EEA1: variants seen among roughly 807,000 people sequenced by gnomAD.
EEA1 encodes the protein early endosome antigen 1, 162kD.
A neutral mutation model predicts 209.2 loss-of-function variants in EEA1; 111 were observed. That is an observed-to-expected ratio of 0.53 (90% confidence interval 0.45 to 0.62). EEA1 has a LOEUF of 0.62. Ranked by LOEUF, EEA1 falls within the 20% of genes least tolerant of loss-of-function variation. The probability of loss-of-function intolerance (pLI) is 0.00; values close to 1 mark genes in which losing one functional copy is unlikely to be tolerated. For synonymous variants in EEA1, 536 were observed against 540.6 expected (o/e 0.99, Z 0.12); for missense variants, 1,343 against 1,530.8 (o/e 0.88, Z 2.05).
intron 1 of EEA1, among the ~76,000 whole-genome samples, chr12:92,897,544 C>G (rs550763489): frequency 6.6e-6 from 1 of 152,284 alleles, no homozygotes; most frequent in East Asian, 1.9e-4. Context: ...CTGCTCAGGC[C>G]CACTCCCACA....
intron 2 of EEA1, chr12:92,879,398 G>A (rs1879045157): frequency 2.3e-6 from 1 of 438,344 alleles, no homozygotes; most frequent in Non-Finnish European, 4.5e-6. Context: ...GCAAGACCAA[G>A]TGGAGCTTAT....
chr12:92,908,969 G>A (rs759387894), intron 1 of EEA1, among the ~76,000 whole-genome samples: 4 of 152,002 alleles, frequency 2.6e-5, no homozygotes, highest in South Asian at 2.1e-4. Flanking sequence ...GATTACAGGC[G>A]TGCACCACCA....
intron 1 of EEA1, among the ~76,000 whole-genome samples, chr12:92,909,703 T>C (rs535726377): frequency 1.3e-5 from 2 of 152,292 alleles, no homozygotes; most frequent in African/African-American, 4.8e-5. Flanking sequence ...TCAGTTATCA[T>C]GGGAATGGCT....
chr12:92,777,043 T>C (rs1381876984), intron 27 of EEA1, 101 bp from the exon 28 acceptor site: 6 of 1,193,332 alleles, frequency 5.0e-6, no homozygotes, highest in Non-Finnish European at 7.1e-6. Flanking sequence ...ATTTTGACTA[T>C]ATGACCCATG....
rs780678267 is a variant in EEA1 at position 92,802,465 on chromosome 12, T to C, written c.2609A>G (p.Lys870Arg). 8 of 1,581,900 alleles carry C rather than the reference T, an allele frequency of 5.1e-6. No individual in the cohort carries two copies. In the Admixed American group the frequency reaches 1.4e-4, roughly 28 times the overall value. ...DKLSKVSDSL[K>R]NSKSEFEKEN... ...CTTTTCAAATTCACTTTTAGAGTTT[T>C]TCAAAGAATCAGAAACTTTTGATAG... The change falls in exon 19 of 29, where the codon AAA becomes AGA. Residue 870 changes from lysine (K) to arginine (R), a missense_variant. By Grantham distance (26) the Lys-to-Arg change is conservative. Around this residue, in one of 3 missense-constraint regions of EEA1, gnomAD observed 1,307 missense variants for 1,465.5 expected, o/e 0.89. Coordinates refer to ENST00000322349, the MANE Select transcript of EEA1 (RefSeq NM_003566.4).
chr12:92,796,111 A>C (rs984263099), intron 21 of EEA1, among the ~76,000 whole-genome samples: 1 of 152,084 alleles, frequency 6.6e-6, no homozygotes, highest in African/African-American at 2.4e-5. Context: ...TAAATGCAAC[A>C]GTTTGATAAC....
chr12:92,859,039 G>T, intron 3 of EEA1: 2 of 696,910 alleles, frequency 2.9e-6, no homozygotes, highest in Non-Finnish European at 5.1e-6. Flanking sequence ...TCTTGTTCAG[G>T]TCTCTTATTC....
intron 10 of EEA1, among the ~76,000 whole-genome samples, 182 bp from the exon 11 acceptor site, chr12:92,833,032 T>C (rs1876732832): frequency 6.6e-6 from 1 of 152,160 alleles, no homozygotes; most frequent in Admixed American, 6.5e-5. Context: ...GATTTCACTA[T>C]TGGTCCACTT....
At chr12:92,776,969 T>C in intron 27 of EEA1, 27 bp from the exon 28 acceptor site, 1 of 1,597,402 alleles carries the variant, frequency 6.3e-7, no homozygotes, top group Non-Finnish European at 8.6e-7. Context: ...TATCGATATA[T>C]TATAGTATTC....
chr12:92,826,714 CA>C (rs1210921584), intron 12 of EEA1, among the ~76,000 whole-genome samples: 3,545 of 57,120 alleles, frequency 0.062, 43 homozygotes, highest in Non-Finnish European at 0.085. Context: ...GACTCCGTCT[CA>C]AAAAAAAAAA....
At chr12:92,863,735 C>A (rs1249566550) in intron 3 of EEA1, among the ~76,000 whole-genome samples, 1 of 152,120 alleles carries the variant, frequency 6.6e-6, no homozygotes, top group East Asian at 1.9e-4. Context: ...TGAAAATAAT[C>A]CAGGTTACTG....
chr12:92,778,129 A>C lies in EEA1; in HGVS notation c.3705T>G (p.Asn1235Lys), dbSNP rs774378824. Reference sequence around the variant, plus strand: ...TAATCTGCATGGTAAGTTTAGCCTCATTTTCTTCATGCTTCTTCATTCCTA... The same window carrying C: ...TAATCTGCATGGTAAGTTTAGCCTCCTTTTCTTCATGCTTCTTCATTCCTA... ...KEVGMKKHEE[N>K]EAKLTMQITA... Residue 1235 changes from asparagine to lysine, a missense_variant, in exon 26 of 29, where the codon AAT (asparagine) becomes AAG (lysine). Physicochemically the swap from Asn to Lys is moderately conservative, Grantham distance 94 (BLOSUM62 0). Coordinates refer to ENST00000322349, the MANE Select transcript of EEA1 (RefSeq NM_003566.4). The C allele has an allele frequency of 1.9e-6, 3 of 1,613,048 alleles. No individual in the cohort carries two copies. The highest frequency in any genetic ancestry group is 1.7e-6 in the Non-Finnish European group (2 of 1,179,434).
Position 92,900,825 on chromosome 12 carries a change from C to G in EEA1, c.25-9104G>C, listed in dbSNP as rs546731947. 4.6e-5 allele frequency among the ~76,000 whole-genome samples: 7 copies of G among 151,990 alleles called. No homozygotes were observed. The South Asian group carries it at 6.2e-4, about 14-fold the overall frequency. ...CTGGAATTACAGGTGCCCGCCACCA[C>G]GTCCAGCTAATTTTTGTATTTTTAG... On this transcript the variant is annotated intron_variant, in intron 1 of 28. Transcript: ENST00000322349.
At chr12:92,842,653 T>A in intron 9 of EEA1, 72 bp from the exon 10 acceptor site, 2 of 951,868 alleles carry the variant, frequency 2.1e-6, no homozygotes, top group South Asian at 3.3e-5. Context: ...TGAAAGTATA[T>A]AAAGGTTTTA....
At chr12:92,826,867 G>A (rs778371618) in intron 12 of EEA1, among the ~76,000 whole-genome samples, 9 of 151,968 alleles carry the variant, frequency 5.9e-5, no homozygotes, top group Admixed American at 3.3e-4. Context: ...TTGTAAACTA[G>A]TATGATCAAG....
intron 10 of EEA1, among the ~76,000 whole-genome samples, chr12:92,842,151 A>G (rs1325262529): frequency 6.6e-6 from 1 of 152,220 alleles, no homozygotes. Context: ...CAACATTTTT[A>G]AAAGACAAAT....
chr12:92,926,015 C>T lies in EEA1; in HGVS notation c.24+3028G>A, dbSNP rs190163770. Among the ~76,000 whole-genome samples the T allele has an allele frequency of 3.4e-3, 483 of 143,872 alleles. 2 individuals carry two copies. The highest frequency in any genetic ancestry group is 0.012 in the African/African-American group (459 of 38,696). The allele number at this position is 143,872 out of a possible 152,430, so 94.4% of individuals were successfully genotyped here. On this transcript the variant is annotated intron_variant, in intron 1 of 28. Transcript: ENST00000322349. ...ACATAATTTTTTTTTTTTTTTTAGA[C>T]GGAGTTCCGGTCTTGTTGCTCAGGC...
At chr12:92,819,004 T>A (rs774655070) in intron 14 of EEA1, among the ~76,000 whole-genome samples, 26 of 152,194 alleles carry the variant, frequency 1.7e-4, no homozygotes, top group Non-Finnish European at 3.4e-4. Flanking sequence ...TAGGCAAGCA[T>A]GCACTATTAA....
At chr12:92,896,632 G>A (rs1398392014) in intron 1 of EEA1, among the ~76,000 whole-genome samples, 4 of 152,054 alleles carry the variant, frequency 2.6e-5, no homozygotes, top group South Asian at 2.1e-4. Flanking sequence ...GTGAAACTCC[G>A]TCACTACTAA....
Sources: allele counts gnomAD v4.1 joint callset (sites outside exome capture counted in the v4.1 genomes callset), GRCh38; gene constraint gnomAD v4.1.1; regional missense constraint gnomAD v4.1.1; transcripts MANE v1.5; gene names NCBI Gene and HGNC (gene_info 2026-07-23, HGNC 2026-07-21).